Variants in ARHGAP23 observed in about 807,000 individuals in gnomAD.
The protein encoded by ARHGAP23 is rho GTPase-activating protein 23.
ARHGAP23 carries 34 observed loss-of-function variants against 136.3 expected under a neutral mutation model. The observed-to-expected ratio is 0.25, with a 90% CI of 0.19 to 0.33. ARHGAP23 has a LOEUF of 0.33. Ranked by LOEUF, ARHGAP23 falls within the 10% of genes least tolerant of loss-of-function variation. The pLI is 1.00. For missense variants in ARHGAP23, 1,808 were observed against 2,139.0 expected, an observed-to-expected ratio of 0.85 and a Z score of 3.05; for synonymous variants, 832 against 920.5, an observed-to-expected ratio of 0.90 and a Z score of 1.74.
Position 38,510,395 on chromosome 17 carries a change from G to A in ARHGAP23, c.3899G>A (p.Arg1300His). The change falls in exon 24 of 24, where the codon CGC becomes CAC. Residue 1300 changes from arginine (R) to histidine (H), a missense_variant. Physicochemically the swap from Arg to His is conservative, Grantham distance 29. This residue lies in a region of ARHGAP23 where 506 missense variants were observed against 455.8 expected (regional missense o/e 1.11). Transcript: ENST00000622683. The surrounding 1 kb of genome is among the most constrained non-coding windows in gnomAD (Gnocchi z 4.6). ...GCGGCGGGCGCGGGGCCTGGGGGGCGCCTGACACGCCGGCCGTCCTTCAGC... is the reference window on the plus strand; with the variant it reads ...GCGGCGGGCGCGGGGCCTGGGGGGCACCTGACACGCCGGCCGTCCTTCAGC... The part of the protein sequence containing the change: ...EGAAGAGPGG[R>H]LTRRPSFSSH... 3 of 1,241,088 alleles carry A rather than the reference G, an allele frequency of 2.4e-6. No homozygotes were observed. Among genetic ancestry groups the A allele is most frequent in the Non-Finnish European group, 3.0e-6 (3 of 993,806 alleles). The allele number at this position is 1,241,088 out of a possible 1,614,324, so 76.9% of individuals were successfully genotyped here. A position where few individuals can be genotyped will look rare whatever the true frequency, so the allele number is the denominator to read the frequency against.
At position 38,469,798 on chromosome 17, in the gene ARHGAP23, G is replaced by A. The variant is rs770899004; in HGVS notation, c.1917-49G>A. 3 of 1,547,760 alleles carry A rather than the reference G, an allele frequency of 1.9e-6. No homozygotes were observed. The East Asian group carries it at 7.3e-5, about 38-fold the overall frequency. ...GTTTGGTGGGTGACGAGATAGTGAG[G>A]TCCCAGCTTTGCTGCCCACATCCCT... On this transcript the variant is annotated intron_variant, in intron 9 of 23. Coordinates refer to ENST00000622683, the MANE Select transcript of ARHGAP23 (RefSeq NM_001199417.2).
At chr17:38,456,207 A>G (rs1182729876) in intron 1 of ARHGAP23, among the ~76,000 whole-genome samples, 1 of 152,098 alleles carries the variant, frequency 6.6e-6, no homozygotes, top group Non-Finnish European at 1.5e-5. Flanking sequence ...ATCTTCTGAG[A>G]TGGGAGGATC....
At chr17:38,458,897 A>G (rs1202938566) in intron 2 of ARHGAP23, among the ~76,000 whole-genome samples, 1 of 152,142 alleles carries the variant, frequency 6.6e-6, no homozygotes, top group African/African-American at 2.4e-5. Context: ...GAGGACATTT[A>G]TCAACTTGAC....
chr17:38,467,188 A>G lies in ARHGAP23; in HGVS notation c.1505A>G (p.Gln502Arg), dbSNP rs2039630001. 6.4e-7 allele frequency: 1 copy of G among 1,550,446 alleles called. No individual in the cohort carries two copies. The highest frequency in any genetic ancestry group is 1.4e-5 in the African/African-American group (1 of 73,046). ...RQKPPTGRKV[Q>R]LTPARQMNLG... Reference sequence around the variant, plus strand: ...AAGCCCCCGACGGGCCGCAAGGTTCAGCTGACCCCCGCAAGACAGATGAAC... The same window carrying G: ...AAGCCCCCGACGGGCCGCAAGGTTCGGCTGACCCCCGCAAGACAGATGAAC... Residue 502 changes from glutamine (Q) to arginine (R), a missense_variant, in exon 7 of 24, where the codon CAG becomes CGG. Gln to Arg is a conservative substitution (Grantham distance 43). Transcript: ENST00000622683.
intron 6 of ARHGAP23, 74 bp downstream of exon 6, chr17:38,463,456 G>C (rs1464473555): frequency 6.6e-7 from 1 of 1,521,144 alleles, no homozygotes; most frequent in African/African-American, 1.4e-5. Context: ...GGGAGGCAGA[G>C]AAGGAAGTGT....
At chr17:38,446,749 T>G (rs985480068) in intron 1 of ARHGAP23, among the ~76,000 whole-genome samples, 5 of 152,068 alleles carry the variant, frequency 3.3e-5, no homozygotes, top group African/African-American at 1.2e-4. Context: ...CCATGTTTAA[T>G]TTTTTGAGAA....
At chr17:38,426,237 T>C (rs905723491), upstream of ARHGAP23, among the ~76,000 whole-genome samples, 2 of 151,694 alleles carry the variant, frequency 1.3e-5, no homozygotes, top group Admixed American at 1.3e-4. Flanking sequence ...TGGTGGAAAG[T>C]TAAGCAAGAA....
chr17:38,483,807 A>G (rs1421638465), intron 16 of ARHGAP23, among the ~76,000 whole-genome samples: 2 of 152,028 alleles, frequency 1.3e-5, no homozygotes, highest in Non-Finnish European at 2.9e-5. Flanking sequence ...TATTGGAGGA[A>G]TGAATAGGAG....
intron 6 of ARHGAP23, among the ~76,000 whole-genome samples, chr17:38,465,560 G>T (rs1266114015): frequency 6.6e-6 from 1 of 152,236 alleles, no homozygotes; most frequent in Non-Finnish European, 1.5e-5. Context: ...GTCAGCCTCA[G>T]CTCCCAGTGC....
upstream of ARHGAP23, among the ~76,000 whole-genome samples, chr17:38,426,922 G>C (rs1478831341): frequency 6.6e-6 from 1 of 151,990 alleles, no homozygotes; most frequent in African/African-American, 2.4e-5. Flanking sequence ...TCGGCTCTCA[G>C]GGGTCTCCTT....
intron 20 of ARHGAP23, among the ~76,000 whole-genome samples, chr17:38,496,445 A>T (rs2040394926): frequency 6.6e-6 from 1 of 152,152 alleles, no homozygotes; most frequent in African/African-American, 2.4e-5. Flanking sequence ...CAGCATTCCA[A>T]CCTGGATAAC....
At chr17:38,468,428 G>T (rs1018484065) in intron 7 of ARHGAP23, among the ~76,000 whole-genome samples, 1 of 152,204 alleles carries the variant, frequency 6.6e-6, no homozygotes, top group African/African-American at 2.4e-5. Flanking sequence ...AGGTGTCCAA[G>T]AGGGAGCAGG....
At chr17:38,478,714 A>AT (rs1329153615) in intron 12 of ARHGAP23, among the ~76,000 whole-genome samples, 1 of 151,868 alleles carries the variant, frequency 6.6e-6, no homozygotes, top group Non-Finnish European at 1.5e-5. Context: ...CAGCCGAAGA[A>AT]TTTTTTTTAA....
chr17:38,485,212 C>T (rs1326255973), intron 16 of ARHGAP23, among the ~76,000 whole-genome samples: 2 of 152,068 alleles, frequency 1.3e-5, no homozygotes, highest in Non-Finnish European at 2.9e-5. Flanking sequence ...TGACATCATC[C>T]CTGGCCTCGA....
intron 1 of ARHGAP23, among the ~76,000 whole-genome samples, chr17:38,433,824 G>T (rs1466003893): frequency 6.6e-6 from 1 of 152,094 alleles, no homozygotes; most frequent in Non-Finnish European, 1.5e-5. Context: ...GGAAAATGTG[G>T]GATTGTATTC....
At chr17:38,463,602 C>T (rs575943871) in intron 6 of ARHGAP23, among the ~76,000 whole-genome samples, 4 of 152,146 alleles carry the variant, frequency 2.6e-5, no homozygotes, top group Non-Finnish European at 5.9e-5. Flanking sequence ...GGATTCCTGC[C>T]AGGGTATCTG....
chr17:38,486,852 G>T (rs763617365), intron 17 of ARHGAP23, among the ~76,000 whole-genome samples: 2 of 152,236 alleles, frequency 1.3e-5, no homozygotes, highest in Non-Finnish European at 2.9e-5. Flanking sequence ...GACGGGCTTT[G>T]GCCGTTTGCT....
rs574741785 is a variant in ARHGAP23, at chr17:38,470,007, G to C, written c.1974+103G>C. On this transcript the variant is annotated intron_variant, in intron 10 of 23. Coordinates refer to ENST00000622683, the MANE Select transcript of ARHGAP23 (RefSeq NM_001199417.2). ...CCTCGGCATGGGGGTTCCTGCTCCA[G>C]CTCCTGCCTTCCTCCTCCTCCCTGC... 204 of 1,386,502 alleles carry C rather than the reference G, an allele frequency of 1.5e-4. 1 individual carries two copies. In the South Asian group the frequency reaches 2.5e-3, roughly 17 times the overall value. The allele number at this position is 1,386,502 out of a possible 1,614,324, so 85.9% of individuals were successfully genotyped here.
intron 23 of ARHGAP23, among the ~76,000 whole-genome samples, chr17:38,504,817 G>A (rs1410336163): frequency 2.0e-5 from 3 of 151,874 alleles, no homozygotes; most frequent in Non-Finnish European, 2.9e-5. Context: ...ACACCCAGGC[G>A]GCGTCGGTGC....
Sources: gnomAD v4.1 joint callset for allele counts (sites outside exome capture counted in the v4.1 genomes callset) on GRCh38, gnomAD v4.1.1 for gene constraint, gnomAD v4.1.1 regional missense constraint, Gnocchi (gnomAD v3.1) non-coding constraint, MANE v1.5 for transcripts, NCBI Gene and HGNC (gene_info 2026-07-23, HGNC 2026-07-21) for gene names.